The following UBE2G1 variants were observed in gnomAD, a reference collection of about 807,000 sequenced individuals.
UBE2G1 encodes ubiquitin-conjugating enzyme E2 G1.
A neutral mutation model predicts 22.7 loss-of-function variants in UBE2G1; 5 were observed. The ratio of observed to expected loss-of-function variants is 0.22; its 90% CI spans 0.12 to 0.46. The LOEUF is 0.46. Among genes scored for constraint, UBE2G1 ranks in the 20% least tolerant of loss-of-function variants. The pLI is 0.99. For synonymous variants in UBE2G1, 74 were observed against 67.5 expected, an observed-to-expected ratio of 1.10 and a Z score of -0.47; for missense variants, 88 against 203.9, an observed-to-expected ratio of 0.43 and a Z score of 3.46.
chr17:4,365,853 C>G (rs942200137), intron 1 of UBE2G1, among the ~76,000 whole-genome samples: 5 of 152,132 alleles, frequency 3.3e-5, no homozygotes, highest in Non-Finnish European at 7.4e-5. Flanking sequence ...GAGCCGGGGA[C>G]TCGCAGCCGC....
rs138899434 is a variant in UBE2G1, at chr17:4,312,416, C to T, written c.47-5293G>A. ...CAACTGAGAAACAAAAAACAGGAGG[C>T]GGCACAAGGTAAACTGAGAAAGGTA... is the stretch of plus-strand genomic sequence containing the variant. On this transcript the variant is annotated intron_variant, in intron 1 of 5. Coordinates refer to ENST00000396981, the MANE Select transcript of UBE2G1 (RefSeq NM_003342.5). 5.4e-4 allele frequency among the ~76,000 whole-genome samples: 82 copies of T among 151,988 alleles called. No homozygotes were observed. In the East Asian group the frequency reaches 9.5e-3, roughly 18 times the overall value.
intron 1 of UBE2G1, among the ~76,000 whole-genome samples, chr17:4,323,012 T>C (rs1335800688): frequency 6.6e-6 from 1 of 152,200 alleles, no homozygotes; most frequent in Non-Finnish European, 1.5e-5. Context: ...AGTACATAAA[T>C]GCATAACATT....
At chr17:4,308,884 T>G (rs976916730) in intron 1 of UBE2G1, among the ~76,000 whole-genome samples, 4 of 152,340 alleles carry the variant, frequency 2.6e-5, no homozygotes, top group Non-Finnish European at 4.4e-5. Flanking sequence ...TATTAATTTT[T>G]GGGGAAATCA....
intron 5 of UBE2G1, among the ~76,000 whole-genome samples, chr17:4,278,838 T>C (rs1177350598): frequency 1.3e-5 from 2 of 152,228 alleles, no homozygotes; most frequent in Non-Finnish European, 2.9e-5. Context: ...AAATTTTTTC[T>C]AGAAACCAGA....
chr17:4,342,778 A>G (rs1028059301), intron 1 of UBE2G1, among the ~76,000 whole-genome samples: 3 of 152,170 alleles, frequency 2.0e-5, no homozygotes, highest in South Asian at 4.1e-4. Flanking sequence ...AAATCAGGTC[A>G]TATCACTCCA....
chr17:4,280,248 G>A (rs1968871113), intron 5 of UBE2G1, among the ~76,000 whole-genome samples: 1 of 150,898 alleles, frequency 6.6e-6, no homozygotes, highest in Non-Finnish European at 1.5e-5. Flanking sequence ...TGTTGGCCAG[G>A]CTGGTCTTGA....
rs1351490906 is a variant in UBE2G1, at chr17:4,269,861, G to A, written c.*2693C>T. 6.3e-6 allele frequency: 1 copy of A among 158,390 alleles called. No homozygotes were observed. Among genetic ancestry groups the A allele is most frequent in the African/African-American group, 2.4e-5 (1 of 41,486 alleles). The allele number at this position is 158,390 out of a possible 1,614,324, so 9.8% of individuals were successfully genotyped here. A position where few individuals can be genotyped will look rare whatever the true frequency, so the allele number is the denominator to read the frequency against. On this transcript the variant is annotated 3_prime_UTR_variant, in exon 6 of 6. Coordinates refer to ENST00000396981, the MANE Select transcript of UBE2G1 (RefSeq NM_003342.5). ...GGGGAAAAATCATTTTCCTAAAGCA[G>A]AGAGGAATCGCCTCACACTGATGAG... is the stretch of plus-strand genomic sequence containing the variant.
At chr17:4,340,889 G>A (rs543040229) in intron 1 of UBE2G1, among the ~76,000 whole-genome samples, 462 of 116,966 alleles carry the variant, frequency 3.9e-3, no homozygotes, top group Non-Finnish European at 6.3e-3. Context: ...CTTAATTCAC[G>A]TATTTAAAAA....
intron 3 of UBE2G1, 113 bp from the exon 4 acceptor site, chr17:4,289,521 T>TA: frequency 8.5e-7 from 1 of 1,181,556 alleles, no homozygotes; most frequent in Non-Finnish European, 1.1e-6. Context: ...ACATGACACA[T>TA]ACGCAGAAGT....
chr17:4,309,948 T>C (rs1232790989), intron 1 of UBE2G1, among the ~76,000 whole-genome samples: 2 of 152,236 alleles, frequency 1.3e-5, no homozygotes, highest in Non-Finnish European at 2.9e-5. Flanking sequence ...ATTCTTTCCA[T>C]GCATTTCTTC....
At chr17:4,293,292 C>T (rs1377999840) in intron 3 of UBE2G1, among the ~76,000 whole-genome samples, 1 of 152,178 alleles carries the variant, frequency 6.6e-6, no homozygotes, top group Non-Finnish European at 1.5e-5. Context: ...CAAGGTTCAT[C>T]TATGTTGTAG....
chr17:4,305,485 AT>A, intron 2 of UBE2G1, among the ~76,000 whole-genome samples: 1 of 152,334 alleles, frequency 6.6e-6, no homozygotes, highest in East Asian at 1.9e-4. Flanking sequence ...TATTGCTGTG[AT>A]TCACATCTCA....
chr17:4,356,897 TTCTTATTCTGAAATACAG>T (rs1969912061), intron 1 of UBE2G1, among the ~76,000 whole-genome samples: 1 of 152,140 alleles, frequency 6.6e-6, no homozygotes, highest in Non-Finnish European at 1.5e-5. Flanking sequence ...TTTTAAAAAC[TTCTTATTCTGAAATACAG>T]TCCCATAGGA....
At chr17:4,281,881 A>T (rs1167765083) in intron 5 of UBE2G1, among the ~76,000 whole-genome samples, 2 of 152,180 alleles carry the variant, frequency 1.3e-5, no homozygotes, top group African/African-American at 4.8e-5. Flanking sequence ...TTAATTTTAA[A>T]AGAAGAGACC....
chr17:4,295,474 C>T (rs755159404), intron 3 of UBE2G1, among the ~76,000 whole-genome samples: 40 of 152,220 alleles, frequency 2.6e-4, no homozygotes, highest in Non-Finnish European at 5.4e-4. Context: ...CCATATCCTT[C>T]CGATAAATCC....
At chr17:4,335,439 C>T (rs1298418094) in intron 1 of UBE2G1, 1 of 152,104 alleles carries the variant, frequency 6.6e-6, no homozygotes, top group Non-Finnish European at 1.5e-5. Context: ...AAACGTAACC[C>T]AAAAATTCTG....
At chr17:4,306,586 G>A (rs939888947) in intron 2 of UBE2G1, among the ~76,000 whole-genome samples, 2 of 152,168 alleles carry the variant, frequency 1.3e-5, no homozygotes, top group African/African-American at 2.4e-5. Flanking sequence ...AAAGGATATT[G>A]AATACAGCCA....
chr17:4,316,991 C>T (rs964202524), intron 1 of UBE2G1, among the ~76,000 whole-genome samples: 12 of 147,398 alleles, frequency 8.1e-5, no homozygotes, highest in Non-Finnish European at 1.2e-4. Flanking sequence ...CTAATCCGAA[C>T]ACTTTGGGAG....
rs1555522929 is a variant in UBE2G1 at position 4,340,102 on chromosome 17, T to TAC, written c.46+26168_46+26169insGT. On this transcript the variant is annotated intron_variant, in intron 1 of 5. Transcript: ENST00000396981. ...GCATATGGCTTTTTTTAACTGTTTGTAGAGACAGGGTCTCCCCTATGTTGC... is the reference window on the plus strand; with the variant it reads ...GCATATGGCTTTTTTTAACTGTTTGTACAGAGACAGGGTCTCCCCTATGTTGC... Among the ~76,000 whole-genome samples, 19 of 152,196 alleles carry TAC rather than the reference T, an allele frequency of 1.2e-4. 1 individual carries two copies. In the East Asian group the frequency reaches 3.7e-3, roughly 30 times the overall value.
Sources: allele counts gnomAD v4.1 joint callset (sites outside exome capture counted in the v4.1 genomes callset), GRCh38; gene constraint gnomAD v4.1.1; transcripts MANE v1.5; gene names NCBI Gene and HGNC (gene_info 2026-07-23, HGNC 2026-07-21).